The following RBFOX1 variants were observed in gnomAD, a reference collection of about 807,000 sequenced individuals.
RBFOX1 encodes the protein RNA binding fox-1 homolog 1, also known as RNA binding protein fox-1 homolog 1.
Under a neutral mutation model 57.7 loss-of-function variants are expected in RBFOX1, and 8 were observed. The ratio of observed to expected loss-of-function variants is 0.14; its 90% CI spans 0.08 to 0.25. The LOEUF is 0.25. RBFOX1 is among the 10% of genes least tolerant of loss of function. The pLI is 1.00. For synonymous variants in RBFOX1, 326 were observed against 222.4 expected (o/e 1.47, Z -4.15); for missense variants, 611 against 548.5 (o/e 1.11, Z -1.14).
chr16:6,906,831 T>C (rs1486310568), intron 3 of RBFOX1, among the ~76,000 whole-genome samples: 4 of 151,908 alleles, frequency 2.6e-5, no homozygotes, highest in Non-Finnish European at 4.4e-5. Flanking sequence ...CAAGCAATTC[T>C]CCTGCCTCAG....
At chr16:5,614,156 A>G (rs1291772402) in intron 3 of RBFOX1, among the ~76,000 whole-genome samples, 1 of 152,168 alleles carries the variant, frequency 6.6e-6, no homozygotes, top group East Asian at 1.9e-4. Flanking sequence ...GGTGCGGATC[A>G]GGTGGTTGGG....
chr16:6,874,842 C>A (rs987053995), intron 3 of RBFOX1, among the ~76,000 whole-genome samples: 2 of 152,102 alleles, frequency 1.3e-5, no homozygotes, highest in East Asian at 3.9e-4. Context: ...GCATCAAAAT[C>A]TCAGAAATGA....
intron 1 of RBFOX1, among the ~76,000 whole-genome samples, chr16:6,267,758 A>G (rs1466672296): frequency 1.3e-5 from 2 of 152,094 alleles, no homozygotes; most frequent in African/African-American, 4.8e-5. Context: ...AGTCGCTTAG[A>G]TTTACCAAGT....
intron 4 of RBFOX1, among the ~76,000 whole-genome samples, chr16:7,337,614 A>C (rs905981476): frequency 6.6e-6 from 1 of 152,214 alleles, no homozygotes; most frequent in Non-Finnish European, 1.5e-5. Context: ...CTGCAAGCTC[A>C]CAAAAGAATG....
intron 3 of RBFOX1, among the ~76,000 whole-genome samples, chr16:6,666,393 G>C (rs2098732852): frequency 6.6e-6 from 1 of 152,074 alleles, no homozygotes; most frequent in African/African-American, 2.4e-5. Flanking sequence ...AATGTATCCA[G>C]GTGTGGTGGT....
intron 2 of RBFOX1, among the ~76,000 whole-genome samples, chr16:6,547,541 T>A (rs2096913290): frequency 2.0e-5 from 3 of 152,182 alleles, no homozygotes; most frequent in Non-Finnish European, 2.9e-5. Flanking sequence ...ATTGAGATAT[T>A]CATGAAATCT....
chr16:7,263,233 C>T (rs1465584638), intron 4 of RBFOX1, among the ~76,000 whole-genome samples: 3 of 152,090 alleles, frequency 2.0e-5, no homozygotes, highest in South Asian at 2.1e-4. Context: ...TATTCAGCAC[C>T]AGGAAGGTAC....
At chr16:5,849,359 C>T (rs562460275) in intron 3 of RBFOX1, among the ~76,000 whole-genome samples, 2 of 152,068 alleles carry the variant, frequency 1.3e-5, no homozygotes, top group South Asian at 2.1e-4. Context: ...TTACTGAAAT[C>T]ACCATGAGGC....
rs1385645479 is a variant in RBFOX1, at chr16:7,676,208, A to G, written c.931-566A>G. Among the ~76,000 whole-genome samples the G allele has an allele frequency of 3.3e-5, 5 of 152,214 alleles. No individual in the cohort carries two copies. In the East Asian group the frequency reaches 7.7e-4, roughly 23 times the overall value. The stretch of plus-strand genomic sequence containing the variant: ...AAAAGAAATGTTCAGTCATTTTTGT[A>G]ATAATTGTGTAACATTTAGACAGCT... On this transcript the variant is annotated intron_variant, in intron 13 of 15. Transcript: ENST00000550418.
At chr16:5,357,000 C>T (rs1167208683) in intron 1 of RBFOX1, among the ~76,000 whole-genome samples, 1 of 152,140 alleles carries the variant, frequency 6.6e-6, no homozygotes, top group Admixed American at 6.5e-5. Context: ...TATTTCCATC[C>T]AGTAGATAAG....
Position 5,399,920 on chromosome 16 carries a change from A to C in RBFOX1, c.220-67296A>C, listed in dbSNP as rs902337316. The stretch of plus-strand genomic sequence containing the variant: ...TACTGTTGATTTTATTTTTGATGGT[A>C]AGAATTCGTGAACCCAACAACCCAA... On this transcript the variant is annotated intron_variant, in intron 1 of 2. Coordinates refer to the RBFOX1 transcript ENST00000585867. Among the ~76,000 whole-genome samples, 18 of 151,972 alleles carry C rather than the reference A, an allele frequency of 1.2e-4. 1 individual carries two copies. Among genetic ancestry groups the C allele is most frequent in the African/African-American group, 4.4e-4 (18 of 41,358 alleles).
In RBFOX1 at chr16:6,895,091, A is replaced by C. The variant is rs936908775; in HGVS notation, c.-15-156966A>C. ...CTTTAATAAATAATCTAATGACTTA[A>C]AGAAATAAAGTCTGGTCCTCTTTTC... On this transcript the variant is annotated intron_variant, in intron 3 of 15. Coordinates refer to ENST00000550418, the MANE Select transcript of RBFOX1 (RefSeq NM_018723.4). 3.3e-5 allele frequency among the ~76,000 whole-genome samples: 5 copies of C among 152,108 alleles called. No individual in the cohort carries two copies. In the East Asian group the frequency reaches 9.6e-4, roughly 29 times the overall value.
At chr16:5,394,874 A>G (rs546419004) in intron 1 of RBFOX1, among the ~76,000 whole-genome samples, 1 of 151,898 alleles carries the variant, frequency 6.6e-6, no homozygotes, top group Admixed American at 6.6e-5. Flanking sequence ...TTATTATGGC[A>G]TCTGCACTTC....
chr16:6,999,530 A>G (rs1286002107), intron 3 of RBFOX1, among the ~76,000 whole-genome samples: 1 of 151,920 alleles, frequency 6.6e-6, no homozygotes, highest in Non-Finnish European at 1.5e-5. Context: ...TTTTATTATG[A>G]AAAATTTCAA....
intron 3 of RBFOX1, among the ~76,000 whole-genome samples, chr16:6,941,200 A>G (rs1052775575): frequency 1.3e-5 from 2 of 149,814 alleles, no homozygotes; most frequent in Non-Finnish European, 3.0e-5. Flanking sequence ...ACATATATAT[A>G]TATTCCCTTC....
At chr16:5,900,325 G>A (rs932910004) in intron 4 of RBFOX1, among the ~76,000 whole-genome samples, 9 of 152,166 alleles carry the variant, frequency 5.9e-5, no homozygotes, top group Non-Finnish European at 1.3e-4. Context: ...GCCTGTAAAT[G>A]TGAATAAAAA....
chr16:5,441,001 A>T (rs960168554), intron 1 of RBFOX1, among the ~76,000 whole-genome samples: 5 of 152,164 alleles, frequency 3.3e-5, no homozygotes, highest in Admixed American at 3.3e-4. Context: ...ATACATTTTA[A>T]TGGAAGTAGC....
In RBFOX1 at chr16:6,654,516, A is replaced by G. The variant is rs947160931; in HGVS notation, c.-63-87A>G. On this transcript the variant is annotated intron_variant, in intron 2 of 15. Coordinates refer to ENST00000550418, the MANE Select transcript of RBFOX1 (RefSeq NM_018723.4). ...TGAGCTCTTTATTATTTTAAAGGGCATTTCAACAACACCACTGAATGTTCT... is the reference window on the plus strand; with the variant it reads ...TGAGCTCTTTATTATTTTAAAGGGCGTTTCAACAACACCACTGAATGTTCT... 2.5e-5 allele frequency: 27 copies of G among 1,060,622 alleles called. No individual in the cohort carries two copies. In the Middle Eastern group the frequency reaches 1.6e-3, roughly 63 times the overall value. 65.7% of individuals were successfully genotyped at this position (1,060,622 alleles called of 1,614,324 possible).
intron 3 of RBFOX1, among the ~76,000 whole-genome samples, chr16:6,862,167 G>A (rs1183206214): frequency 6.6e-6 from 1 of 152,124 alleles, no homozygotes; most frequent in Non-Finnish European, 1.5e-5. Flanking sequence ...ATTGTGAAGG[G>A]CTTGCTGTGT....
Sources: gnomAD v4.1 joint callset for allele counts (sites outside exome capture counted in the v4.1 genomes callset) on GRCh38, gnomAD v4.1.1 for gene constraint, MANE v1.5 for transcripts, NCBI Gene and HGNC (gene_info 2026-07-23, HGNC 2026-07-21) for gene names.